CREB5: variants seen among roughly 807,000 people sequenced by gnomAD.
The protein encoded by CREB5 is cyclic AMP-responsive element-binding protein 5.
A neutral mutation model predicts 57.1 loss-of-function variants in CREB5; 19 were observed. That is an observed-to-expected ratio of 0.33 (90% confidence interval 0.23 to 0.49). The LOEUF (loss-of-function observed/expected upper bound fraction) is 0.49. CREB5 is among the 20% of genes least tolerant of loss of function. CREB5 has a pLI of 0.99. For missense variants in CREB5, 579 were observed against 671.6 expected, an observed-to-expected ratio of 0.86 and a Z score of 1.52; for synonymous variants, 238 against 238.3, an observed-to-expected ratio of 1.00 and a Z score of 0.01.
intron 7 of CREB5, among the ~76,000 whole-genome samples, chr7:28,777,091 ACT>A (rs1320074186): frequency 6.6e-6 from 1 of 152,140 alleles, no homozygotes; most frequent in Non-Finnish European, 1.5e-5. Flanking sequence ...TCATATAGTA[ACT>A]CTGTTCAATC....
At chr7:28,366,156 A>G (rs1333148462) in intron 1 of CREB5, among the ~76,000 whole-genome samples, 1 of 152,130 alleles carries the variant, frequency 6.6e-6, no homozygotes, top group Non-Finnish European at 1.5e-5. Flanking sequence ...TTCCCAATAT[A>G]TTTTATCACT....
chr7:28,784,315 C>A (rs1157501391), intron 7 of CREB5, among the ~76,000 whole-genome samples: 3 of 149,758 alleles, frequency 2.0e-5, no homozygotes, highest in Non-Finnish European at 3.0e-5. Flanking sequence ...GATAAATAAG[C>A]CAGCTAATTG....
chr7:28,788,426 A>G (rs1351298534), intron 7 of CREB5, among the ~76,000 whole-genome samples: 2 of 152,224 alleles, frequency 1.3e-5, no homozygotes, highest in African/African-American at 4.8e-5. Context: ...CCCCAGAGCA[A>G]TAGCACCATC....
chr7:28,755,951 C>T (rs1250957807), intron 7 of CREB5, among the ~76,000 whole-genome samples: 2 of 146,212 alleles, frequency 1.4e-5, no homozygotes, highest in Admixed American at 6.8e-5. Context: ...ATGATAGTCC[C>T]GGGGTAGGGT....
At chr7:28,449,399 G>A (rs1156771458) in intron 1 of CREB5, among the ~76,000 whole-genome samples, 2 of 151,870 alleles carry the variant, frequency 1.3e-5, no homozygotes, top group Admixed American at 6.6e-5. Flanking sequence ...TATTGCTTTC[G>A]CTATTGGCTG....
At chr7:28,542,844 T>C (rs1460984037) in intron 4 of CREB5, among the ~76,000 whole-genome samples, 3 of 152,118 alleles carry the variant, frequency 2.0e-5, no homozygotes, top group Non-Finnish European at 4.4e-5. Context: ...TTTTGGGAGG[T>C]ACATTACTTA....
At chr7:28,476,552 A>G (rs1046910154) in intron 1 of CREB5, among the ~76,000 whole-genome samples, 1 of 152,232 alleles carries the variant, frequency 6.6e-6, no homozygotes, top group Non-Finnish European at 1.5e-5. Context: ...AGAGGAGTTA[A>G]GTAACTTGCC....
chr7:28,420,807 CAAAAA>C (rs10540496), intron 1 of CREB5, among the ~76,000 whole-genome samples: 56 of 92,930 alleles, frequency 6.0e-4, no homozygotes, highest in South Asian at 5.6e-3. Context: ...GACTCCATCT[CAAAAA>C]AAAAAAAAAA....
chr7:28,808,537 T>C (rs1808889812), intron 8 of CREB5, among the ~76,000 whole-genome samples: 1 of 151,936 alleles, frequency 6.6e-6, no homozygotes, highest in Non-Finnish European at 1.5e-5. Context: ...AGTTGTTCAT[T>C]TGTTTTTGTT....
chr7:28,306,828 T>A (rs1473230674), intron 1 of CREB5, among the ~76,000 whole-genome samples: 1 of 152,162 alleles, frequency 6.6e-6, no homozygotes, highest in Admixed American at 6.5e-5. Flanking sequence ...CCCAAAGTGC[T>A]GGGATTACAG....
At chr7:28,439,801 C>T (rs1309257258) in intron 1 of CREB5, among the ~76,000 whole-genome samples, 1 of 152,158 alleles carries the variant, frequency 6.6e-6, no homozygotes, top group Non-Finnish European at 1.5e-5. Context: ...CTAAGGCATC[C>T]TTGCAATAGA....
chr7:28,608,301 GT>G (rs1021204827), intron 5 of CREB5, among the ~76,000 whole-genome samples: 2 of 152,072 alleles, frequency 1.3e-5, no homozygotes, highest in Admixed American at 6.6e-5. Context: ...TTGGTTGTGA[GT>G]TTTTGATAGG....
intron 7 of CREB5, among the ~76,000 whole-genome samples, chr7:28,761,193 G>A (rs1040245381): frequency 6.6e-6 from 1 of 152,184 alleles, no homozygotes; most frequent in Admixed American, 6.5e-5. Context: ...ATGAGCATAT[G>A]CCCAATGATC....
At chr7:28,476,290 T>C (rs1472213067) in intron 1 of CREB5, among the ~76,000 whole-genome samples, 2 of 152,176 alleles carry the variant, frequency 1.3e-5, no homozygotes, top group Non-Finnish European at 2.9e-5. Context: ...AACATTACCT[T>C]CAACATCCTT....
At chr7:28,628,229 A>G (rs1798074849) in intron 5 of CREB5, among the ~76,000 whole-genome samples, 1 of 151,878 alleles carries the variant, frequency 6.6e-6, no homozygotes, top group African/African-American at 2.4e-5. Context: ...ACTGACAGCA[A>G]TCCAGGACTT....
At chr7:28,712,324 G>A (rs1349107281) in intron 5 of CREB5, among the ~76,000 whole-genome samples, 5 of 151,638 alleles carry the variant, frequency 3.3e-5, no homozygotes, top group African/African-American at 9.7e-5. Flanking sequence ...CCTGGCCAAC[G>A]TGGTGAAACC....
chr7:28,483,452 A>G (rs1344155598), intron 1 of CREB5, among the ~76,000 whole-genome samples: 1 of 152,224 alleles, frequency 6.6e-6, no homozygotes, highest in Non-Finnish European at 1.5e-5. Context: ...AGGATTTGTT[A>G]TCAGAGTTTT....
chr7:28,566,020 T>G (rs1795457795), intron 4 of CREB5, among the ~76,000 whole-genome samples: 1 of 152,224 alleles, frequency 6.6e-6, no homozygotes, highest in African/African-American at 2.4e-5. Context: ...TTAAATCTCC[T>G]CTTCAGACTA....
At chr7:28,656,463 A>C (rs779922575) in intron 5 of CREB5, among the ~76,000 whole-genome samples, 28 of 152,352 alleles carry the variant, frequency 1.8e-4, no homozygotes, top group Non-Finnish European at 2.8e-4. Flanking sequence ...TCATGTATTT[A>C]TACCTAATCA....
Sources: gnomAD v4.1 joint callset for allele counts (sites outside exome capture counted in the v4.1 genomes callset) on GRCh38, gnomAD v4.1.1 for gene constraint, MANE v1.5 for transcripts, NCBI Gene and HGNC (gene_info 2026-07-23, HGNC 2026-07-21) for gene names.